Variants in MARCHF1 observed in about 807,000 individuals in gnomAD.
MARCHF1 encodes the protein E3 ubiquitin-protein ligase MARCHF1.
In MARCHF1, 40 loss-of-function variants were observed where a neutral mutation model predicts 54.2. The ratio of observed to expected loss-of-function variants is 0.74; its 90% CI spans 0.57 to 0.96. The LOEUF is 0.96. Ranked by LOEUF, MARCHF1 falls within the 40% of genes least tolerant of loss-of-function variation. The pLI, the probability that MARCHF1 is intolerant of heterozygous loss-of-function variation, is 0.00. For missense variants in MARCHF1, 586 were observed against 656.5 expected (o/e 0.89, Z 1.17); for synonymous variants, 236 against 236.3 (o/e 1.00, Z 0.01).
intron 3 of MARCHF1, among the ~76,000 whole-genome samples, chr4:163,876,718 G>C (rs971716210): frequency 6.6e-6 from 1 of 152,014 alleles, no homozygotes; most frequent in African/African-American, 2.4e-5. Flanking sequence ...AAGGAAAAAG[G>C]GTATTGAAAT....
rs1176070722 is a variant in MARCHF1 at position 163,528,519 on chromosome 4, A to AACTT, written c.*225_*228dup. 2.1e-6 allele frequency: 1 copy of AACTT among 477,636 alleles called. No individual in the cohort carries two copies. Among genetic ancestry groups the AACTT allele is most frequent in the African/African-American group, 2.0e-5 (1 of 50,656 alleles). The allele number at this position is 477,636 out of a possible 1,614,324, so 29.6% of individuals were successfully genotyped here. On this transcript the variant is annotated 3_prime_UTR_variant, in exon 10 of 10. Transcript: ENST00000514618. ...TTGTCTTGGAAATCATTCTCTTGCA[A>AACTT]ACTTCACATTTCCATATCATACTTT...
intron 3 of MARCHF1, among the ~76,000 whole-genome samples, chr4:163,939,594 C>T (rs915392318): frequency 2.6e-5 from 4 of 152,160 alleles, no homozygotes; most frequent in Non-Finnish European, 5.9e-5. Flanking sequence ...TGATATTTTT[C>T]TACATATCTG....
chr4:163,896,451 T>C (rs757622804), intron 3 of MARCHF1, among the ~76,000 whole-genome samples: 5 of 152,204 alleles, frequency 3.3e-5, no homozygotes, highest in Non-Finnish European at 7.3e-5. Context: ...TCTCTCCTTA[T>C]TGTTTTTAGG....
intron 5 of MARCHF1, among the ~76,000 whole-genome samples, chr4:163,690,506 A>C (rs1386086564): frequency 6.6e-6 from 1 of 152,272 alleles, no homozygotes; most frequent in East Asian, 1.9e-4. Flanking sequence ...CGAGAGATGG[A>C]GCCCTTCCTC....
chr4:164,167,820 C>G (rs1730420259), intron 1 of MARCHF1, among the ~76,000 whole-genome samples: 1 of 151,764 alleles, frequency 6.6e-6, no homozygotes, highest in Non-Finnish European at 1.5e-5. Flanking sequence ...TATTAAACTC[C>G]TAGAAGAGAA....
intron 4 of MARCHF1, among the ~76,000 whole-genome samples, chr4:163,748,046 A>T (rs186795596): frequency 1.9e-4 from 29 of 152,350 alleles, no homozygotes; most frequent in African/African-American, 7.0e-4. Context: ...TTTCAGGGAA[A>T]GTCATGTGCC....
chr4:164,197,322 G>A (rs1414577491), intron 1 of MARCHF1: 7 of 1,612,168 alleles, frequency 4.3e-6, no homozygotes, highest in African/African-American at 2.7e-5. Context: ...GCTTGAACAC[G>A]TTTTCTCCGT....
intron 8 of MARCHF1, among the ~76,000 whole-genome samples, chr4:163,568,730 G>A (rs979559038): frequency 3.9e-5 from 6 of 152,052 alleles, no homozygotes; most frequent in Non-Finnish European, 7.4e-5. Flanking sequence ...CTAGGCTGCT[G>A]GGATCATCTT....
At chr4:163,680,796 C>G (rs1744076891) in intron 5 of MARCHF1, among the ~76,000 whole-genome samples, 1 of 152,116 alleles carries the variant, frequency 6.6e-6, no homozygotes, top group Non-Finnish European at 1.5e-5. Context: ...TGATGCTTCA[C>G]TATGACTTAA....
chr4:164,275,577 G>A (rs757399820), intron 1 of MARCHF1, among the ~76,000 whole-genome samples: 1 of 152,204 alleles, frequency 6.6e-6, no homozygotes, highest in African/African-American at 2.4e-5. Flanking sequence ...ACTGAGAAGT[G>A]AGAAGGAGAT....
At chr4:163,580,948 G>A (rs1175732786) in intron 8 of MARCHF1, among the ~76,000 whole-genome samples, 1 of 106,012 alleles carries the variant, frequency 9.4e-6, no homozygotes, top group Non-Finnish European at 2.0e-5. Flanking sequence ...GACTACAGGC[G>A]CCCGCCACCG....
intron 1 of MARCHF1, among the ~76,000 whole-genome samples, chr4:164,285,906 C>T (rs765582641): frequency 4.1e-5 from 6 of 147,662 alleles, no homozygotes; most frequent in Non-Finnish European, 7.5e-5. Flanking sequence ...ATATATATTT[C>T]TCCCAGCAGA....
chr4:163,845,480 C>T (rs911510531), intron 4 of MARCHF1, among the ~76,000 whole-genome samples: 6 of 151,488 alleles, frequency 4.0e-5, no homozygotes, highest in African/African-American at 1.5e-4. Context: ...CACACACACA[C>T]ACACACACAC....
rs1227662806 is a variant in MARCHF1 at position 163,779,988 on chromosome 4, A to G, written c.111+74033T>C. ...GCTAGTTGGGCAGTGCATCAAGGAC[A>G]CTGCTGAGAAGTGAGGACACCTAAG... is the stretch of plus-strand genomic sequence containing the variant. On this transcript the variant is annotated intron_variant, in intron 4 of 9. Transcript: ENST00000514618. Among the ~76,000 whole-genome samples, 5 of 152,228 alleles carry G rather than the reference A, an allele frequency of 3.3e-5. No individual in the cohort carries two copies. The South Asian group carries it at 1.0e-3, about 32-fold the overall frequency.
intron 3 of MARCHF1, among the ~76,000 whole-genome samples, chr4:163,975,593 C>T (rs969951922): frequency 6.6e-6 from 1 of 152,086 alleles, no homozygotes; most frequent in Non-Finnish European, 1.5e-5. Context: ...GGTAAACATC[C>T]CAGGATTAAG....
chr4:164,184,361 C>A (rs1730911841), intron 1 of MARCHF1, among the ~76,000 whole-genome samples: 1 of 152,164 alleles, frequency 6.6e-6, no homozygotes, highest in East Asian at 1.9e-4. Context: ...CCACATACCT[C>A]TTTTTCAATC....
At chr4:163,645,820 A>C (rs1742735677) in intron 5 of MARCHF1, among the ~76,000 whole-genome samples, 1 of 152,216 alleles carries the variant, frequency 6.6e-6, no homozygotes, top group Admixed American at 6.5e-5. Context: ...AAAAAGAGCC[A>C]GGTAAACAAT....
At chr4:163,833,432 C>T (rs931936018) in intron 4 of MARCHF1, among the ~76,000 whole-genome samples, 11 of 152,044 alleles carry the variant, frequency 7.2e-5, no homozygotes, top group Non-Finnish European at 1.3e-4. Context: ...GAACAGGCAA[C>T]CTACAGAATG....
chr4:163,897,838 C>T (rs9993567), intron 3 of MARCHF1, among the ~76,000 whole-genome samples: 5,811 of 151,760 alleles, frequency 0.038, 290 homozygotes, highest in East Asian at 0.18. Flanking sequence ...GGGTGGATCA[C>T]GAGGTCAGGA....
Sources: gnomAD v4.1 joint callset for allele counts (sites outside exome capture counted in the v4.1 genomes callset) on GRCh38, gnomAD v4.1.1 for gene constraint, MANE v1.5 for transcripts, NCBI Gene and HGNC (gene_info 2026-07-23, HGNC 2026-07-21) for gene names.